Variants in OTUD7A observed in about 807,000 individuals in gnomAD.
The protein encoded by OTUD7A is OTU domain-containing protein 7A.
In OTUD7A, 12 loss-of-function variants were observed where a neutral mutation model predicts 65.7. The observed-to-expected ratio is 0.18, with a 90% CI of 0.12 to 0.30. The LOEUF is 0.30. Ranked by LOEUF, OTUD7A falls within the 10% of genes least tolerant of loss-of-function variation. The pLI is 1.00. For synonymous variants in OTUD7A, 641 were observed against 586.3 expected, an observed-to-expected ratio of 1.09 and a Z score of -1.35; for missense variants, 1,148 against 1,304.8, an observed-to-expected ratio of 0.88 and a Z score of 1.85.
intron 1 of OTUD7A, among the ~76,000 whole-genome samples, chr15:31,784,593 T>C (rs1475274217): frequency 6.6e-6 from 1 of 152,174 alleles, no homozygotes; most frequent in East Asian, 1.9e-4. Flanking sequence ...GCAGTAAATA[T>C]TAACAGACAT....
intron 1 of OTUD7A, among the ~76,000 whole-genome samples, chr15:31,734,649 C>T (rs1381954626): frequency 1.3e-5 from 2 of 151,896 alleles, no homozygotes; most frequent in African/African-American, 2.4e-5. Flanking sequence ...AAACAAGGAA[C>T]GTGTAAAAGA....
At chr15:31,488,847 C>T (rs2041277537) in intron 10 of OTUD7A, among the ~76,000 whole-genome samples, 1 of 152,272 alleles carries the variant, frequency 6.6e-6, no homozygotes, top group South Asian at 2.1e-4. Flanking sequence ...CTTCCCCAAG[C>T]TGCCAATAAG....
At chr15:31,657,409 T>A (rs1211604487) in intron 1 of OTUD7A, among the ~76,000 whole-genome samples, 5 of 151,636 alleles carry the variant, frequency 3.3e-5, no homozygotes, top group African/African-American at 1.2e-4. Flanking sequence ...CAGGCTGGAG[T>A]GCAGTGGCGC....
In OTUD7A at chr15:31,527,176, C is replaced by T. The variant is rs756312099; in HGVS notation, c.780+5G>A. 3 of 1,613,880 alleles carry T rather than the reference C, an allele frequency of 1.9e-6. No homozygotes were observed. Among genetic ancestry groups the T allele is most frequent in the East Asian group, 2.2e-5 (1 of 44,886 alleles). ...CGGGCTCTGGCCATGCCAGTGGATA[C>T]CAACCTCCTTATTCTGCTGCGTCTG... On this transcript the variant is annotated splice_donor_5th_base_variant and intron_variant, in intron 7 of 12. Coordinates refer to ENST00000307050, the MANE Select transcript of OTUD7A (RefSeq NM_001382637.1).
At chr15:31,514,101 T>C (rs7167811) in intron 8 of OTUD7A, among the ~76,000 whole-genome samples, 108,850 of 146,786 alleles carry the variant, frequency 0.74, 40,865 homozygotes, top group African/African-American at 0.84. Flanking sequence ...TTGCCCAGGC[T>C]GGAGTGCAGT....
intron 8 of OTUD7A, among the ~76,000 whole-genome samples, chr15:31,516,138 G>A (rs1466173988): frequency 5.3e-5 from 8 of 152,232 alleles, no homozygotes; most frequent in Admixed American, 5.2e-4. Context: ...GAACACTCTG[G>A]TATTTGAGTA....
At chr15:31,719,672 C>T (rs962244904) in intron 1 of OTUD7A, among the ~76,000 whole-genome samples, 3 of 152,108 alleles carry the variant, frequency 2.0e-5, no homozygotes, top group African/African-American at 4.8e-5. Flanking sequence ...ACACCAGCCA[C>T]GGTGATCTTG....
At chr15:31,779,630 C>T (rs1284422405) in intron 1 of OTUD7A, among the ~76,000 whole-genome samples, 1 of 152,144 alleles carries the variant, frequency 6.6e-6, no homozygotes, top group Admixed American at 6.5e-5. Context: ...GGGAAAGGAT[C>T]TCAATGTACT....
chr15:31,530,057 C>T (rs927505016), intron 6 of OTUD7A, among the ~76,000 whole-genome samples: 3 of 152,116 alleles, frequency 2.0e-5, no homozygotes, highest in Non-Finnish European at 2.9e-5. Flanking sequence ...TGTTGTGTGG[C>T]TTTGTGTGAT....
Position 31,776,944 on chromosome 15 carries a change from A to G in OTUD7A, c.-100+93563T>C, listed in dbSNP as rs142350643. 2.6e-5 allele frequency among the ~76,000 whole-genome samples: 4 copies of G among 152,280 alleles called. No individual in the cohort carries two copies. In the East Asian group the frequency reaches 7.7e-4, roughly 29 times the overall value. On this transcript the variant is annotated intron_variant, in intron 1 of 12. Transcript: ENST00000307050. ...CCTGTACCCTAAAACTTAAAGTATA[A>G]TAATAATAAAAAAATGCTAAAAAGT...
chr15:31,632,823 G>A lies in OTUD7A; in HGVS notation c.151+22273C>T, dbSNP rs1595672540. Among the ~76,000 whole-genome samples the A allele has an allele frequency of 7.9e-5, 12 of 152,340 alleles. No individual in the cohort carries two copies. In the South Asian group the frequency reaches 2.5e-3, roughly 32 times the overall value. On this transcript the variant is annotated intron_variant, in intron 3 of 12. Coordinates refer to ENST00000307050, the MANE Select transcript of OTUD7A (RefSeq NM_001382637.1). Reference sequence around the variant, plus strand: ...TTTGCCTAATCAAGCCTGGGCAATGGCAGGCGCCCCTCCCCCAGCCTCACT... The same window carrying A: ...TTTGCCTAATCAAGCCTGGGCAATGACAGGCGCCCCTCCCCCAGCCTCACT...
chr15:31,533,283 C>G (rs1164936482), intron 5 of OTUD7A, among the ~76,000 whole-genome samples: 1 of 146,338 alleles, frequency 6.8e-6, no homozygotes, highest in Non-Finnish European at 1.5e-5. Context: ...GTCACCCAGG[C>G]TGGAGTGCAG....
chr15:31,833,090 A>G (rs531458340), intron 1 of OTUD7A, among the ~76,000 whole-genome samples: 27 of 152,340 alleles, frequency 1.8e-4, no homozygotes, highest in Admixed American at 2.6e-4. Context: ...TATTTTTGAT[A>G]GTGGCCATCC....
At chr15:31,589,467 T>G (rs1485707281) in intron 3 of OTUD7A, among the ~76,000 whole-genome samples, 1 of 148,934 alleles carries the variant, frequency 6.7e-6, no homozygotes, top group African/African-American at 2.5e-5. Context: ...GGGCTTGTTT[T>G]TTTTTTTTTT....
At chr15:31,595,168 T>C (rs992149124) in intron 3 of OTUD7A, among the ~76,000 whole-genome samples, 7 of 152,134 alleles carry the variant, frequency 4.6e-5, no homozygotes, top group Non-Finnish European at 1.0e-4. Context: ...GTAGAGTCTA[T>C]CGATGAGTTG....
At chr15:31,868,724 T>C (rs1897945033) in intron 1 of OTUD7A, among the ~76,000 whole-genome samples, 1 of 152,142 alleles carries the variant, frequency 6.6e-6, no homozygotes, top group African/African-American at 2.4e-5. Context: ...GGAGTTACTT[T>C]CTAAGGGAAA....
intron 5 of OTUD7A, among the ~76,000 whole-genome samples, chr15:31,553,859 C>T (rs955423399): frequency 3.3e-5 from 5 of 152,054 alleles, no homozygotes; most frequent in African/African-American, 1.2e-4. Context: ...CTCTTACCAC[C>T]CCATAGTCCA....
At chr15:31,770,525 T>C (rs1895206343) in intron 1 of OTUD7A, among the ~76,000 whole-genome samples, 2 of 152,326 alleles carry the variant, frequency 1.3e-5, no homozygotes, top group East Asian at 1.9e-4. Context: ...TCACAAATGC[T>C]TTCATAAAAT....
intron 1 of OTUD7A, among the ~76,000 whole-genome samples, chr15:31,806,863 A>T (rs1896282766): frequency 6.6e-6 from 1 of 152,202 alleles, no homozygotes; most frequent in Admixed American, 6.5e-5. Context: ...GGCATCCACT[A>T]TGGACATGTG....
Sources: allele counts gnomAD v4.1 joint callset (sites outside exome capture counted in the v4.1 genomes callset), GRCh38; gene constraint gnomAD v4.1.1; transcripts MANE v1.5; gene names NCBI Gene and HGNC (gene_info 2026-07-23, HGNC 2026-07-21).